The following EPC2 variants were observed in gnomAD, a reference collection of about 807,000 sequenced individuals.
EPC2 encodes the protein enhancer of polycomb homolog 2.
Under a neutral mutation model 92.1 loss-of-function variants are expected in EPC2, and 14 were observed. The observed-to-expected ratio is 0.15, with a 90% CI of 0.10 to 0.24. The LOEUF is 0.24. Among genes scored for constraint, EPC2 ranks in the 10% least tolerant of loss-of-function variants. The pLI is 1.00. For synonymous variants in EPC2, 340 were observed against 334.7 expected (o/e 1.02, Z -0.17); for missense variants, 755 against 971.5 (o/e 0.78, Z 2.96).
At chr2:148,658,650 G>T (rs934111884) in intron 1 of EPC2, among the ~76,000 whole-genome samples, 2 of 143,904 alleles carry the variant, frequency 1.4e-5, no homozygotes, top group East Asian at 4.5e-4. Flanking sequence ...TCCCTTTTCA[G>T]TTCTATTTTG....
intron 2 of EPC2, among the ~76,000 whole-genome samples, chr2:148,693,286 C>T (rs942980873): frequency 6.6e-6 from 1 of 152,166 alleles, no homozygotes; most frequent in Non-Finnish European, 1.5e-5. Context: ...TGTAAAGTTG[C>T]CACAGTAGGA....
chr2:148,653,338 G>A (rs1680722440), intron 1 of EPC2, among the ~76,000 whole-genome samples: 3 of 152,224 alleles, frequency 2.0e-5, no homozygotes, highest in African/African-American at 7.2e-5. Flanking sequence ...ACAGCATGAG[G>A]AGGAGAGGCT....
At chr2:148,684,456 T>C (rs1681472788) in intron 1 of EPC2, among the ~76,000 whole-genome samples, 1 of 152,214 alleles carries the variant, frequency 6.6e-6, no homozygotes, top group Non-Finnish European at 1.5e-5. Context: ...TCCGATGTTA[T>C]GTTCTAGAAT....
intron 2 of EPC2, among the ~76,000 whole-genome samples, chr2:148,741,979 G>A (rs534319063): frequency 3.3e-5 from 5 of 152,168 alleles, no homozygotes; most frequent in Admixed American, 2.0e-4. Flanking sequence ...ATATTAGTGC[G>A]CTATATATAC....
At chr2:148,722,223 G>C (rs1682394006) in intron 2 of EPC2, among the ~76,000 whole-genome samples, 1 of 152,082 alleles carries the variant, frequency 6.6e-6, no homozygotes, top group Non-Finnish European at 1.5e-5. Context: ...CTGTGTCTCT[G>C]GACTGTGAAC....
chr2:148,763,097 A>G (rs1285740120), intron 6 of EPC2, among the ~76,000 whole-genome samples: 1 of 152,156 alleles, frequency 6.6e-6, no homozygotes, highest in East Asian at 1.9e-4. Context: ...TCAATATGCT[A>G]TCTGCCTCCC....
chr2:148,647,474 A>G (rs1683826562), intron 1 of EPC2, among the ~76,000 whole-genome samples: 1 of 151,318 alleles, frequency 6.6e-6, no homozygotes, highest in Admixed American at 6.6e-5. Flanking sequence ...CGCCCAGCTA[A>G]TTTTTGTATT....
At chr2:148,762,058 A>G (rs1360995505) in intron 5 of EPC2, 128 bp downstream of exon 5, 2 of 754,492 alleles carry the variant, frequency 2.7e-6, no homozygotes, top group Non-Finnish European at 4.0e-6. Flanking sequence ...GTAAGAATTT[A>G]TATTTTTTAA....
intron 2 of EPC2, chr2:148,691,849 C>G (rs1181462258): frequency 1.3e-5 from 8 of 635,392 alleles, no homozygotes; most frequent in South Asian, 1.2e-4. Flanking sequence ...TAATCTTACA[C>G]TGAGGGCATA....
At chr2:148,663,194 GTATTATTATTATTATTATTAT>G (rs56337513) in intron 1 of EPC2, among the ~76,000 whole-genome samples, 3 of 136,346 alleles carry the variant, frequency 2.2e-5, no homozygotes, top group Admixed American at 7.4e-5. Flanking sequence ...CTGTGTTTTT[GTATTATTATTATTATTATTAT>G]TATTATTATT....
At chr2:148,704,104 A>G (rs965518107) in intron 2 of EPC2, among the ~76,000 whole-genome samples, 2 of 152,234 alleles carry the variant, frequency 1.3e-5, no homozygotes, top group Non-Finnish European at 2.9e-5. Flanking sequence ...ACCCATGTTC[A>G]TAGCAGCATT....
intron 10 of EPC2, among the ~76,000 whole-genome samples, chr2:148,780,704 G>T (rs1000787614): frequency 2.6e-5 from 4 of 152,082 alleles, no homozygotes. Context: ...TTTGTTGATT[G>T]AAATCATTGG....
At chr2:148,744,989 G>GTCC (rs1682952853) in intron 3 of EPC2, among the ~76,000 whole-genome samples, 2 of 46,296 alleles carry the variant, frequency 4.3e-5, no homozygotes, top group African/African-American at 6.2e-5. Flanking sequence ...CTATCAGTTT[G>GTCC]CCCCCCCCCC....
chr2:148,785,277 C>T (rs1225383533), intron 13 of EPC2, among the ~76,000 whole-genome samples: 2 of 152,136 alleles, frequency 1.3e-5, no homozygotes, highest in East Asian at 1.9e-4. Context: ...GGACATCCAA[C>T]TGTCAAACAC....
chr2:148,709,973 C>CA (rs1462959271), intron 2 of EPC2, among the ~76,000 whole-genome samples: 1 of 151,966 alleles, frequency 6.6e-6, no homozygotes, highest in South Asian at 2.1e-4. Flanking sequence ...AAAGCAATGG[C>CA]AAAAAAAGCC....
intron 1 of EPC2, 153 bp downstream of exon 1, chr2:148,645,323 C>T (rs1683772356): frequency 2.9e-6 from 2 of 680,874 alleles, no homozygotes; most frequent in East Asian, 3.2e-5. Context: ...TAGCGTAAAC[C>T]CTCTCGGCCG....
intron 10 of EPC2, among the ~76,000 whole-genome samples, chr2:148,773,055 G>A (rs1448124074): frequency 6.6e-6 from 1 of 152,034 alleles, no homozygotes; most frequent in African/African-American, 2.4e-5. Context: ...TCAGATATTT[G>A]CAGCTTTCTC....
intron 4 of EPC2, among the ~76,000 whole-genome samples, chr2:148,754,651 G>T (rs946073690): frequency 6.6e-6 from 1 of 152,176 alleles, no homozygotes; most frequent in Non-Finnish European, 1.5e-5. Context: ...CTACAAGGTC[G>T]TGGGAAGTAG....
intron 2 of EPC2, among the ~76,000 whole-genome samples, chr2:148,732,676 C>G (rs949171852): frequency 4.6e-5 from 7 of 152,152 alleles, no homozygotes; most frequent in Admixed American, 1.3e-4. Flanking sequence ...CCACTGTGCC[C>G]GGCCATTTTT....
Sources: gnomAD v4.1 joint callset for allele counts (sites outside exome capture counted in the v4.1 genomes callset) on GRCh38, gnomAD v4.1.1 for gene constraint, MANE v1.5 for transcripts, NCBI Gene and HGNC (gene_info 2026-07-23, HGNC 2026-07-21) for gene names.